SLC2A9: variants seen among roughly 807,000 people sequenced by gnomAD.
SLC2A9 encodes the protein solute carrier family 2, facilitated glucose transporter member 9.
In SLC2A9, 39 loss-of-function variants were observed where a neutral mutation model predicts 50.6. The observed-to-expected ratio is 0.77, with a 90% CI of 0.60 to 1.01. SLC2A9 has a LOEUF of 1.01. Among genes scored for constraint, SLC2A9 ranks in the 50% least tolerant of loss-of-function variants. SLC2A9 has a pLI of 0.00. For synonymous variants in SLC2A9, 324 were observed against 276.9 expected, an observed-to-expected ratio of 1.17 and a Z score of -1.69; for missense variants, 686 against 677.6, an observed-to-expected ratio of 1.01 and a Z score of -0.14.
chr4:9,912,032 T>C lies in SLC2A9; in HGVS notation c.1003-3687A>G, dbSNP rs867842682. On this transcript the variant is annotated intron_variant, in intron 7 of 11. Transcript: ENST00000264784. ...GGAAACCATCATTCTCAGCAAACTA[T>C]CGCAAGGACAAAAAACCAAACACCG... 5.5e-4 allele frequency among the ~76,000 whole-genome samples: 83 copies of C among 152,022 alleles called. 2 individuals carry two copies. The Middle Eastern group carries it at 0.027, about 50-fold the overall frequency.
chr4:9,771,112 T>C (rs1577221075), downstream of SLC2A9: 1 of 173,954 alleles, frequency 5.7e-6, no homozygotes, highest in East Asian at 1.4e-4. Flanking sequence ...ACAATCTGGA[T>C]GGTTTGTGGA....
At chr4:9,903,155 G>A (rs1739981029) in intron 8 of SLC2A9, among the ~76,000 whole-genome samples, 1 of 152,116 alleles carries the variant, frequency 6.6e-6, no homozygotes, top group South Asian at 2.1e-4. Context: ...ACACGGGCTG[G>A]ATCCAGTGTC....
intron 2 of SLC2A9, among the ~76,000 whole-genome samples, chr4:10,017,491 C>A (rs1762815967): frequency 6.6e-6 from 1 of 152,226 alleles, no homozygotes; most frequent in African/African-American, 2.4e-5. Context: ...GGTTTTCAAA[C>A]AGTTTTTAGC....
chr4:9,778,138 G>T (rs1286282027), downstream of SLC2A9, among the ~76,000 whole-genome samples: 2 of 146,752 alleles, frequency 1.4e-5, no homozygotes, highest in African/African-American at 5.1e-5. Context: ...CCCGAGTCTT[G>T]CTCTGTTGTC....
At chr4:9,916,314 G>A (rs1341255074) in intron 7 of SLC2A9, among the ~76,000 whole-genome samples, 1 of 152,214 alleles carries the variant, frequency 6.6e-6, no homozygotes, top group African/African-American at 2.4e-5. Context: ...CACCGCCGGT[G>A]AGCACCCAGA....
At chr4:9,832,533 C>T (rs1295508909) in intron 11 of SLC2A9, among the ~76,000 whole-genome samples, 4 of 152,180 alleles carry the variant, frequency 2.6e-5, no homozygotes, top group African/African-American at 7.2e-5. Flanking sequence ...TCCCGAATGA[C>T]CCCTGAAAAC....
chr4:9,803,827 T>C (rs1258192754), intron 3 of SLC2A9, among the ~76,000 whole-genome samples: 2 of 152,212 alleles, frequency 1.3e-5, no homozygotes, highest in Non-Finnish European at 2.9e-5. Context: ...GTTGGATAAA[T>C]GAATGAAGGA....
intron 11 of SLC2A9, among the ~76,000 whole-genome samples, chr4:9,830,296 A>G (rs1296153443): frequency 6.6e-6 from 1 of 152,224 alleles, no homozygotes; most frequent in Non-Finnish European, 1.5e-5. Context: ...TCTCACTTAT[A>G]AGTGGGAGCT....
chr4:9,789,230 C>A (rs1042933354), intron 3 of SLC2A9, among the ~76,000 whole-genome samples: 1 of 152,082 alleles, frequency 6.6e-6, no homozygotes. Context: ...AGTTACCTTC[C>A]TAGGTTTTAA....
At chr4:9,850,076 G>A (rs906890004) in intron 10 of SLC2A9, among the ~76,000 whole-genome samples, 1 of 151,900 alleles carries the variant, frequency 6.6e-6, no homozygotes, top group Non-Finnish European at 1.5e-5. Flanking sequence ...ATAGAGGGAG[G>A]ATACAGATGC....
chr4:9,959,925 A>G (rs1751986869), intron 5 of SLC2A9, among the ~76,000 whole-genome samples: 1 of 152,168 alleles, frequency 6.6e-6, no homozygotes, highest in African/African-American at 2.4e-5. Context: ...TGACTGCTAG[A>G]TGAATTTGGT....
chr4:10,018,266 C>G (rs1033823251), intron 2 of SLC2A9, among the ~76,000 whole-genome samples: 1 of 152,156 alleles, frequency 6.6e-6, no homozygotes, highest in African/African-American at 2.4e-5. Context: ...AACACCAGGC[C>G]GGGCACAGTG....
At chr4:9,796,028 C>T (rs574377665), downstream of SLC2A9, among the ~76,000 whole-genome samples, 25 of 152,222 alleles carry the variant, frequency 1.6e-4, no homozygotes, top group African/African-American at 6.0e-4. Context: ...TAGAGAGGTC[C>T]GGTGATTTGC....
intron 6 of SLC2A9, among the ~76,000 whole-genome samples, chr4:9,929,872 G>A (rs964939511): frequency 4.6e-5 from 7 of 152,116 alleles, no homozygotes; most frequent in South Asian, 2.1e-4. Context: ...CAGGGTGTCC[G>A]CAGAGTCAGC....
At position 9,920,687 on chromosome 4, in the gene SLC2A9, G is replaced by A. The variant is rs114325784; in HGVS notation, c.815-115C>T. On this transcript the variant is annotated intron_variant, in intron 6 of 11. Coordinates refer to ENST00000264784, the MANE Select transcript of SLC2A9 (RefSeq NM_020041.3). ...CTAGCCACACACCTTAGCTGGGGGCGGAACTTGGCAGGGGCCTTTGAAACT... is the reference window on the plus strand; with the variant it reads ...CTAGCCACACACCTTAGCTGGGGGCAGAACTTGGCAGGGGCCTTTGAAACT... 207 of 1,255,014 alleles carry A rather than the reference G, an allele frequency of 1.6e-4. No individual in the cohort carries two copies. The African/African-American group carries it at 1.7e-3, about 10-fold the overall frequency. 77.7% of individuals were successfully genotyped at this position (1,255,014 alleles called of 1,614,324 possible). A position where few individuals can be genotyped will look rare whatever the true frequency, so the allele number is the denominator to read the frequency against.
At chr4:9,912,331 C>A (rs1385500338) in intron 7 of SLC2A9, among the ~76,000 whole-genome samples, 1 of 151,994 alleles carries the variant, frequency 6.6e-6, no homozygotes, top group Non-Finnish European at 1.5e-5. Flanking sequence ...CTGACAGTGG[C>A]ACATATGCCA....
intron 8 of SLC2A9, among the ~76,000 whole-genome samples, chr4:9,898,614 T>C (rs1739018204): frequency 6.6e-6 from 1 of 152,254 alleles, no homozygotes; most frequent in Admixed American, 6.5e-5. Context: ...TCGTAGAAGA[T>C]GCCCCATTCT....
At chr4:9,934,549 C>T (rs1746714265) in intron 6 of SLC2A9, among the ~76,000 whole-genome samples, 1 of 152,212 alleles carries the variant, frequency 6.6e-6, no homozygotes, top group South Asian at 2.1e-4. Flanking sequence ...TTGGTACCAT[C>T]CAGCACTATC....
intron 3 of SLC2A9, among the ~76,000 whole-genome samples, chr4:9,816,866 A>C (rs960508042): frequency 1.3e-4 from 20 of 152,194 alleles, no homozygotes; most frequent in African/African-American, 4.8e-4. Flanking sequence ...TAGTGGCTTA[A>C]AACAACAAAA....
Sources: allele counts gnomAD v4.1 joint callset (sites outside exome capture counted in the v4.1 genomes callset), GRCh38; gene constraint gnomAD v4.1.1; transcripts MANE v1.5; gene names NCBI Gene and HGNC (gene_info 2026-07-23, HGNC 2026-07-21).